The following LMAN1 variants were observed in gnomAD, a reference collection of about 807,000 sequenced individuals.
LMAN1 encodes the protein protein ERGIC-53.
In LMAN1, 32 loss-of-function variants were observed where a neutral mutation model predicts 67.8. The observed-to-expected ratio is 0.47, with a 90% confidence interval of 0.36 to 0.63. LMAN1 has a LOEUF of 0.63. Ranked by LOEUF, LMAN1 falls within the 30% of genes least tolerant of loss-of-function variation. The probability of loss-of-function intolerance (pLI) is 0.00; values close to 1 mark genes in which losing one functional copy is unlikely to be tolerated. For synonymous variants in LMAN1, 235 were observed against 219.3 expected (o/e 1.07, Z -0.63); for missense variants, 632 against 628.2 (o/e 1.01, Z -0.06).
chr18:59,333,859 A>G lies in LMAN1; in HGVS notation c.1221-615T>C, dbSNP rs116943189. On this transcript the variant is annotated intron_variant, in intron 10 of 12. Transcript: ENST00000251047. ...TAAGAGCTTTACCAAAAGAAAAAAA[A>G]AAAAGAGACTCAAATTACTTAAAAA... 4.3e-3 allele frequency among the ~76,000 whole-genome samples: 651 copies of G among 152,286 alleles called. 36 individuals are homozygous for G. The East Asian group carries it at 0.1, about 23-fold the overall frequency.
At position 59,359,175 on chromosome 18, in the gene LMAN1, G is replaced by A. The variant is rs771151658; in HGVS notation, c.70C>T (p.Leu24Phe). 7.4e-6 allele frequency: 12 copies of A among 1,613,972 alleles called. No individual in the cohort carries two copies. The Admixed American group carries it at 1.7e-4, about 22-fold the overall frequency. The change falls in exon 1 of 13, where the codon CTC becomes TTC. Residue 24 changes from leucine (L) to phenylalanine (F), a missense_variant. Coordinates refer to ENST00000251047, the MANE Select transcript of LMAN1 (RefSeq NM_005570.4). ...CCGTCGCCCCGGACGAAGCGACCGAGTGACAGCAGCAAGGCGCAGAACAGC... is the reference window on the plus strand; with the variant it reads ...CCGTCGCCCCGGACGAAGCGACCGAATGACAGCAGCAAGGCGCAGAACAGC... The part of the protein sequence containing the change: ...RPLFCALLLS[L>F]GRFVRGDGVG...
At chr18:59,347,956 C>T (rs1302647591) in intron 6 of LMAN1, among the ~76,000 whole-genome samples, 2 of 152,246 alleles carry the variant, frequency 1.3e-5, no homozygotes, top group East Asian at 3.8e-4. Flanking sequence ...TCATGGACAA[C>T]GTCCCAGACA....
intron 11 of LMAN1, 110 bp from the exon 12 acceptor site, chr18:59,331,649 T>C (rs1013134348): frequency 2.2e-5 from 28 of 1,261,850 alleles, no homozygotes; most frequent in Non-Finnish European, 2.2e-5. Context: ...GTATTTTCAT[T>C]TTTTCATCCC....
chr18:59,357,273 A>C (rs775650936), intron 1 of LMAN1, among the ~76,000 whole-genome samples: 1 of 152,212 alleles, frequency 6.6e-6, no homozygotes, highest in Admixed American at 6.5e-5. Flanking sequence ...AGCAGAATAG[A>C]TTAGTTGGTT....
At chr18:59,333,351 T>TAA (rs1166210573) in intron 10 of LMAN1, 107 bp from the exon 11 acceptor site, 88 of 627,764 alleles carry the variant, frequency 1.4e-4, no homozygotes, top group South Asian at 3.3e-4. Context: ...TTACATCATT[T>TAA]AAAAAAAAAA....
Position 59,333,090 on chromosome 18 carries a change from C to G in LMAN1, c.1374+1G>C, listed in dbSNP as rs1487057240. ...ATAAAAGGAAAAGGAAACAAAGTTA[C>G]CATATTTCGCTGCACTAAGTTATCT... On this transcript the variant is annotated splice_donor_variant, in intron 11 of 12. Coordinates refer to ENST00000251047, the MANE Select transcript of LMAN1 (RefSeq NM_005570.4). LOFTEE classifies it high-confidence loss of function. The G allele has an allele frequency of 6.2e-7, 1 of 1,611,432 alleles. No individual in the cohort carries two copies. The highest frequency in any genetic ancestry group is 8.5e-7 in the Non-Finnish European group (1 of 1,177,782).
In LMAN1 at chr18:59,331,046, G is replaced by A. The variant is rs370284286; in HGVS notation, c.*47C>T. 1.3e-5 allele frequency: 18 copies of A among 1,336,952 alleles called. No homozygotes were observed. The highest frequency in any genetic ancestry group is 1.0e-4 in the South Asian group (8 of 80,348). The allele number at this position is 1,336,952 out of a possible 1,614,324, so 82.8% of individuals were successfully genotyped here. The stretch of plus-strand genomic sequence containing the variant: ...TTAAATACTTAAATTCCCTCAAAAC[G>A]ACATCATTTTGTACACAAATAGATG... On this transcript the variant is annotated 3_prime_UTR_variant, in exon 13 of 13. Transcript: ENST00000251047.
intron 8 of LMAN1, among the ~76,000 whole-genome samples, chr18:59,341,142 A>T (rs1273691077): frequency 6.6e-6 from 1 of 152,196 alleles, no homozygotes; most frequent in Non-Finnish European, 1.5e-5. Context: ...TAAAGGGATC[A>T]ATTCACCAAG....
In LMAN1 at chr18:59,359,199, G is replaced by A. The variant is rs1477837539; in HGVS notation, c.46C>T (p.Leu16=). 1.2e-6 allele frequency: 2 copies of A among 1,613,912 alleles called. No individual in the cohort carries two copies. Among genetic ancestry groups the A allele is most frequent in the African/African-American group, 1.3e-5 (1 of 74,950 alleles). The change falls in exon 1 of 13, where the codon CTG becomes TTG. Residue 16 remains leucine, a synonymous_variant. Transcript: ENST00000251047. ...QRGLRARVRP[L]FCALLLSLGR... Reference sequence around the variant, plus strand: ...AGTGACAGCAGCAAGGCGCAGAACAGCGGCCGAACTCTGGCCCGGAGACCC... The same window carrying A: ...AGTGACAGCAGCAAGGCGCAGAACAACGGCCGAACTCTGGCCCGGAGACCC...
chr18:59,356,179 C>T (rs1031098792), intron 1 of LMAN1, among the ~76,000 whole-genome samples: 1 of 152,148 alleles, frequency 6.6e-6, no homozygotes, highest in East Asian at 1.9e-4. Context: ...TCCATAAACA[C>T]CCTAAAAGTT....
Position 59,331,096 on chromosome 18 carries a change from A to G in LMAN1, c.1530T>C (p.Phe510=). 1 of 1,611,010 alleles carries G rather than the reference A, an allele frequency of 6.2e-7. No individual in the cohort carries two copies. Among genetic ancestry groups the G allele is most frequent in the Non-Finnish European group, 8.5e-7 (1 of 1,177,578 alleles). The change falls in exon 13 of 13, where the codon TTT becomes TTC. Residue 510 remains phenylalanine, a synonymous_variant. Coordinates refer to ENST00000251047, the MANE Select transcript of LMAN1 (RefSeq NM_005570.4). ...SQQEAAAKKF[F] is the part of the protein sequence containing the mutation. The stretch of plus-strand genomic sequence containing the variant: ...GAAGTACACAGGAAAATGGTAGTCA[A>G]AAGAATTTTTTGGCAGCTGCTTCTT...
intron 1 of LMAN1, 23 bp downstream of exon 1, chr18:59,359,008 C>A (rs755412998): frequency 1.9e-6 from 3 of 1,610,888 alleles, no homozygotes; most frequent in African/African-American, 1.3e-5. Context: ...GAACCCGGCC[C>A]CCAGCCCTCT....
chr18:59,348,841 T>C (rs370573173), intron 6 of LMAN1, among the ~76,000 whole-genome samples: 2 of 152,222 alleles, frequency 1.3e-5, no homozygotes, highest in South Asian at 2.1e-4. Flanking sequence ...GCCTCTACTT[T>C]AAATATGTCT....
chr18:59,341,743 C>T (rs370796614), intron 8 of LMAN1, among the ~76,000 whole-genome samples: 30 of 152,036 alleles, frequency 2.0e-4, no homozygotes, highest in East Asian at 5.8e-4. Flanking sequence ...GTGGAAAGAT[C>T]GCAAACAATC....
At position 59,340,510 on chromosome 18, in the gene LMAN1, T is replaced by C. The variant is rs77988752; in HGVS notation, c.956-1557A>G. Among the ~76,000 whole-genome samples the C allele has an allele frequency of 3.4e-5, 5 of 148,240 alleles. No individual in the cohort carries two copies. The East Asian group carries it at 7.8e-4, about 23-fold the overall frequency. Reference sequence around the variant, plus strand: ...GTGCTAATAAAAGAAAAAAAAAAACTGTCAGCCAAGAATTTTATATCCTGC... The same window carrying C: ...GTGCTAATAAAAGAAAAAAAAAAACCGTCAGCCAAGAATTTTATATCCTGC... On this transcript the variant is annotated intron_variant, in intron 8 of 12. Transcript: ENST00000251047.
In LMAN1 at chr18:59,351,889, T is replaced by C. The variant is rs41322546; in HGVS notation, c.639+1313A>G. Among the ~76,000 whole-genome samples the C allele has an allele frequency of 5.7e-3, 863 of 152,286 alleles. 16 individuals are homozygous for C. The highest frequency in any genetic ancestry group is 0.02 in the African/African-American group (813 of 41,554). On this transcript the variant is annotated intron_variant, in intron 5 of 12. Coordinates refer to ENST00000251047, the MANE Select transcript of LMAN1 (RefSeq NM_005570.4). Reference sequence around the variant, plus strand: ...TCAAACCCAAGCTAATTATAATACATTGGACACTTGCTCTATTCTAAGATC... The same window carrying C: ...TCAAACCCAAGCTAATTATAATACACTGGACACTTGCTCTATTCTAAGATC...
Position 59,355,407 on chromosome 18 carries a change from G to A in LMAN1, c.383C>T (p.Ala128Val). The A allele has an allele frequency of 6.2e-7, 1 of 1,613,980 alleles. No individual in the cohort carries two copies. The highest frequency in any genetic ancestry group is 8.5e-7 in the Non-Finnish European group (1 of 1,179,904). ...IGADGLAIWYAENQGLEGPVF... is the reference protein window; with the variant it reads ...IGADGLAIWYVENQGLEGPVF... ...AGGGCCCTCCAAGCCTTGATTTTCTGCATACCAAATTGCCTGAAAATATGT... is the reference window on the plus strand; with the variant it reads ...AGGGCCCTCCAAGCCTTGATTTTCTACATACCAAATTGCCTGAAAATATGT... Residue 128 changes from alanine to valine, a missense_variant, in exon 3 of 13, where the codon GCA becomes GTA. Transcript: ENST00000251047.
intron 8 of LMAN1, among the ~76,000 whole-genome samples, chr18:59,342,641 T>C (rs1233189500): frequency 6.6e-6 from 1 of 151,324 alleles, no homozygotes; most frequent in South Asian, 2.1e-4. Flanking sequence ...AAATCCTCAA[T>C]GAACACACCT....
chr18:59,347,356 A>G (rs1003753615), intron 7 of LMAN1, among the ~76,000 whole-genome samples, 157 bp downstream of exon 7: 4 of 129,310 alleles, frequency 3.1e-5, no homozygotes, highest in South Asian at 2.4e-4. Context: ...AAAAAAAAAA[A>G]AAAAGAAATG....
Sources: gnomAD v4.1 joint callset for allele counts (sites outside exome capture counted in the v4.1 genomes callset) on GRCh38, gnomAD v4.1.1 for gene constraint, MANE v1.5 for transcripts, NCBI Gene and HGNC (gene_info 2026-07-23, HGNC 2026-07-21) for gene names.